The following CLSTN2 variants were observed in gnomAD, a reference collection of about 807,000 sequenced individuals.
CLSTN2 encodes the protein calsyntenin 2.
A neutral mutation model predicts 101.2 loss-of-function variants in CLSTN2; 48 were observed. The ratio of observed to expected loss-of-function variants is 0.47; its 90% CI spans 0.38 to 0.60. CLSTN2 has a LOEUF of 0.60. CLSTN2 is among the 20% of genes least tolerant of loss of function. The probability of loss-of-function intolerance (pLI) is 0.00; values close to 1 mark genes in which losing one functional copy is unlikely to be tolerated. For missense variants in CLSTN2, 1,160 were observed against 1,238.2 expected (o/e 0.94, Z 0.95); for synonymous variants, 481 against 463.6 (o/e 1.04, Z -0.48).
At chr3:140,563,409 A>T (rs1935959650) in intron 15 of CLSTN2, among the ~76,000 whole-genome samples, 2 of 152,196 alleles carry the variant, frequency 1.3e-5, no homozygotes, top group Non-Finnish European at 2.9e-5. Context: ...TACGCAACAC[A>T]CATAATAGCA....
intron 2 of CLSTN2, among the ~76,000 whole-genome samples, chr3:140,291,521 T>G (rs1708522553): frequency 6.6e-6 from 1 of 152,068 alleles, no homozygotes; most frequent in Admixed American, 6.6e-5. Flanking sequence ...CTCAGTTGTC[T>G]TTGCTGCCTC....
chr3:139,942,781 A>T (rs1576371432), intron 1 of CLSTN2, among the ~76,000 whole-genome samples: 1 of 152,190 alleles, frequency 6.6e-6, no homozygotes, highest in Admixed American at 6.5e-5. Flanking sequence ...GCAATCCAGC[A>T]CCAGCGAGCC....
chr3:140,205,261 A>C (rs2107843493), intron 2 of CLSTN2, among the ~76,000 whole-genome samples: 1 of 152,298 alleles, frequency 6.6e-6, no homozygotes, highest in East Asian at 1.9e-4. Flanking sequence ...GTGTGGTTCA[A>C]CTGAATTCAA....
chr3:140,245,109 T>C (rs2086504247), intron 2 of CLSTN2, among the ~76,000 whole-genome samples: 1 of 152,168 alleles, frequency 6.6e-6, no homozygotes, highest in Non-Finnish European at 1.5e-5. Context: ...TTCTGGTATG[T>C]GTGGCATCTG....
intron 4 of CLSTN2, among the ~76,000 whole-genome samples, chr3:140,406,138 G>A (rs953105037): frequency 3.9e-5 from 6 of 152,210 alleles, no homozygotes; most frequent in African/African-American, 1.4e-4. Flanking sequence ...GATAGCCAAT[G>A]TCTAGAGGAA....
At chr3:140,280,462 A>C (rs1000724256) in intron 2 of CLSTN2, among the ~76,000 whole-genome samples, 1 of 152,212 alleles carries the variant, frequency 6.6e-6, no homozygotes, top group Non-Finnish European at 1.5e-5. Context: ...AAAGGGCAGC[A>C]AGAGGCAGCT....
At chr3:140,076,824 C>G (rs2008501314) in intron 1 of CLSTN2, among the ~76,000 whole-genome samples, 1 of 151,892 alleles carries the variant, frequency 6.6e-6, no homozygotes. Context: ...GCCTCCCTAC[C>G]TTGACCAAGG....
chr3:140,551,616 C>T (rs2936716), intron 10 of CLSTN2, among the ~76,000 whole-genome samples: 4 of 152,080 alleles, frequency 2.6e-5, no homozygotes, highest in Admixed American at 2.0e-4. Context: ...GCAGGGGCCA[C>T]ATCAGAGGCC....
chr3:140,001,272 CT>C (rs71627873), intron 1 of CLSTN2, among the ~76,000 whole-genome samples: 1 of 151,968 alleles, frequency 6.6e-6, no homozygotes, highest in African/African-American at 2.4e-5. Context: ...TCCTCCCATC[CT>C]TTTTTCTCTC....
intron 1 of CLSTN2, among the ~76,000 whole-genome samples, chr3:140,056,225 A>G (rs2008093585): frequency 6.6e-6 from 1 of 152,212 alleles, no homozygotes; most frequent in East Asian, 1.9e-4. Context: ...AAATGACATC[A>G]TTCAATGATG....
At chr3:140,351,900 C>T (rs1259895559) in intron 2 of CLSTN2, among the ~76,000 whole-genome samples, 1 of 151,372 alleles carries the variant, frequency 6.6e-6, no homozygotes, top group Non-Finnish European at 1.5e-5. Context: ...AGTAAAAATT[C>T]CAAGAGTACT....
At chr3:139,962,199 C>T (rs1935522411) in intron 1 of CLSTN2, among the ~76,000 whole-genome samples, 1 of 152,104 alleles carries the variant, frequency 6.6e-6, no homozygotes, top group Non-Finnish European at 1.5e-5. Flanking sequence ...CACCAAACTG[C>T]TTTTCAAGAG....
chr3:140,212,790 T>C (rs2010874174), intron 2 of CLSTN2, among the ~76,000 whole-genome samples: 1 of 152,136 alleles, frequency 6.6e-6, no homozygotes, highest in Admixed American at 6.5e-5. Context: ...GAAATTCTAA[T>C]CCCCCACCAT....
intron 1 of CLSTN2, among the ~76,000 whole-genome samples, chr3:140,150,659 C>G (rs1292697987): frequency 6.6e-6 from 1 of 152,186 alleles, no homozygotes; most frequent in Non-Finnish European, 1.5e-5. Flanking sequence ...AAGGGCCATT[C>G]AAACTCTAGA....
At chr3:140,562,769 CCTT>C (rs1935944878) in intron 13 of CLSTN2, 39 bp from the exon 14 acceptor site, 1 of 1,606,710 alleles carries the variant, frequency 6.2e-7, no homozygotes, top group African/African-American at 1.3e-5. Context: ...TCTTCCTCCT[CCTT>C]TTCTGCCTTC....
chr3:140,150,346 A>G (rs544655169), intron 1 of CLSTN2, among the ~76,000 whole-genome samples: 44 of 152,288 alleles, frequency 2.9e-4, no homozygotes, highest in African/African-American at 1.0e-3. Flanking sequence ...ACCAAGTCTC[A>G]GTTTCTCATT....
At chr3:140,248,184 G>A (rs1028428770) in intron 2 of CLSTN2, among the ~76,000 whole-genome samples, 2 of 152,208 alleles carry the variant, frequency 1.3e-5, no homozygotes, top group Non-Finnish European at 2.9e-5. Context: ...CATTTCCTGC[G>A]CAGAGCAAAG....
chr3:140,563,112 T>G lies in CLSTN2; in HGVS notation c.2391T>G (p.Asp797Glu). ...TCCTTCATGAAGACCAAGTCTCAGA[T>G]AAGGAGCATGTCAATCATCTGATTG... Reference protein sequence around the residue: ...VSILHEDQVSDKEHVNHLIVQ... With the variant: ...VSILHEDQVSEKEHVNHLIVQ... The change falls in exon 15 of 17, where the codon GAT (aspartate) becomes GAG (glutamate). Residue 797 changes from aspartate (D) to glutamate (E), a missense_variant. Physicochemically the swap from Asp to Glu is conservative, Grantham distance 45 (BLOSUM62 2). Transcript: ENST00000458420. 2 of 1,614,086 alleles carry G rather than the reference T, an allele frequency of 1.2e-6. No homozygotes were observed. The highest frequency in any genetic ancestry group is 1.7e-6 in the Non-Finnish European group (2 of 1,179,978).
At chr3:140,382,994 G>A (rs922288620) in intron 2 of CLSTN2, among the ~76,000 whole-genome samples, 1 of 152,126 alleles carries the variant, frequency 6.6e-6, no homozygotes, top group African/African-American at 2.4e-5. Flanking sequence ...CAATAACCCT[G>A]CTCAAAAACC....
Sources: gnomAD v4.1 joint callset for allele counts (sites outside exome capture counted in the v4.1 genomes callset) on GRCh38, gnomAD v4.1.1 for gene constraint, MANE v1.5 for transcripts, NCBI Gene and HGNC (gene_info 2026-07-23, HGNC 2026-07-21) for gene names.